DEDD2: variants seen among roughly 807,000 people sequenced by gnomAD.
The protein encoded by DEDD2 is death effector domain containing 2.
In DEDD2, 18 loss-of-function variants were observed where a neutral mutation model predicts 28.9. That is an observed-to-expected ratio of 0.62 (90% CI 0.43 to 0.92). DEDD2 has a LOEUF of 0.92. DEDD2 is among the 40% of genes least tolerant of loss of function. The pLI, the probability that DEDD2 is intolerant of heterozygous loss-of-function variation, is 0.00. For missense variants in DEDD2, 411 were observed against 463.3 expected (o/e 0.89, Z 1.04); for synonymous variants, 211 against 206.1 (o/e 1.02, Z -0.20).
intron 4 of DEDD2, among the ~76,000 whole-genome samples, chr19:42,201,040 C>T (rs901194333): frequency 3.3e-5 from 5 of 152,168 alleles, no homozygotes; most frequent in African/African-American, 9.7e-5. Context: ...TACAGAGTGC[C>T]GACTATCTGC....
rs1165709879 is a variant in DEDD2 at position 42,217,674 on chromosome 19, A to C, written c.-81T>G. The stretch of plus-strand genomic sequence containing the variant: ...TGACTCCTGGGCGACGGCCGCAGCC[A>C]CTTGTTTTGGATCTTTCTGGCACCT... On this transcript the variant is annotated 5_prime_UTR_variant, in exon 1 of 5. Transcript: ENST00000596251. 7 of 152,556 alleles carry C rather than the reference A, an allele frequency of 4.6e-5. No homozygotes were observed. The highest frequency in any genetic ancestry group is 1.0e-4 in the Non-Finnish European group (7 of 68,152). 9.5% of individuals were successfully genotyped at this position (152,556 alleles called of 1,614,324 possible). A position where few individuals can be genotyped will look rare whatever the true frequency, so the allele number is the denominator to read the frequency against.
chr19:42,208,768 G>A (rs768856065), intron 4 of DEDD2, among the ~76,000 whole-genome samples: 1 of 152,204 alleles, frequency 6.6e-6, no homozygotes, highest in African/African-American at 2.4e-5. Flanking sequence ...CACAAGAGCC[G>A]GGAACCTTGC....
chr19:42,199,212 G>A lies in DEDD2; in HGVS notation c.*226C>T, dbSNP rs2035223289. On this transcript the variant is annotated 3_prime_UTR_variant, in exon 5 of 5. Coordinates refer to ENST00000596251, the MANE Select transcript of DEDD2 (RefSeq NM_133328.4). The surrounding 1 kb of genome is among the most constrained non-coding windows in gnomAD (Gnocchi z 7.4). ...GCCCCCGCCTCCGGAGGCTAAGGGG[G>A]CACACCTGGGGGTAGGAGGAGTCTG... 1.5e-6 allele frequency: 1 copy of A among 660,270 alleles called. No homozygotes were observed. The highest frequency in any genetic ancestry group is 2.9e-5 in the East Asian group (1 of 34,536). 40.9% of individuals were successfully genotyped at this position (660,270 alleles called of 1,614,324 possible).
intron 4 of DEDD2, among the ~76,000 whole-genome samples, chr19:42,208,927 A>AT (rs2035638338): frequency 6.6e-6 from 1 of 152,196 alleles, no homozygotes; most frequent in South Asian, 2.1e-4. Flanking sequence ...TATCAGCCTC[A>AT]CTTTACAGAT....
At position 42,199,979 on chromosome 19, in the gene DEDD2, T is replaced by C; in HGVS notation, c.590-150A>G. On this transcript the variant is annotated intron_variant, in intron 4 of 4. Coordinates refer to ENST00000596251, the MANE Select transcript of DEDD2 (RefSeq NM_133328.4). The surrounding 1 kb of genome is among the most constrained non-coding windows in gnomAD (Gnocchi z 7.4). Reference sequence around the variant, plus strand: ...ACACAGCCTCCCCGGCTCTGTGGGGTTCCCTGACCAAGTACGTCCTCCTCT... The same window carrying C: ...ACACAGCCTCCCCGGCTCTGTGGGGCTCCCTGACCAAGTACGTCCTCCTCT... The C allele has an allele frequency of 2.4e-6, 3 of 1,241,442 alleles. No homozygotes were observed. The highest frequency in any genetic ancestry group is 2.9e-5 in the Admixed American group (1 of 34,708). The allele number at this position is 1,241,442 out of a possible 1,614,324, so 76.9% of individuals were successfully genotyped here.
upstream of DEDD2, among the ~76,000 whole-genome samples, chr19:42,217,959 G>A (rs1185735064): frequency 1.3e-5 from 2 of 152,150 alleles, no homozygotes; most frequent in African/African-American, 4.8e-5. Context: ...AAGCCACCGG[G>A]GCCATGTAGC....
At chr19:42,207,841 C>A (rs190829096) in intron 4 of DEDD2, among the ~76,000 whole-genome samples, 1 of 152,090 alleles carries the variant, frequency 6.6e-6, no homozygotes, top group African/African-American at 2.4e-5. Flanking sequence ...CTGCTCCCAC[C>A]CACAAAGCCT....
upstream of DEDD2, among the ~76,000 whole-genome samples, chr19:42,219,234 G>T (rs1411886925): frequency 1.3e-5 from 2 of 151,930 alleles, no homozygotes; most frequent in Non-Finnish European, 2.9e-5. Flanking sequence ...AACCCTGGAG[G>T]CGGAGGTTGC....
intron 4 of DEDD2, among the ~76,000 whole-genome samples, chr19:42,200,753 T>C (rs1470978981): frequency 2.0e-5 from 3 of 152,254 alleles, no homozygotes; most frequent in Non-Finnish European, 4.4e-5. Context: ...GATTTTCAGC[T>C]ACACTCAACT....
upstream of DEDD2, among the ~76,000 whole-genome samples, chr19:42,217,996 T>G (rs1334636031): frequency 6.6e-6 from 1 of 152,106 alleles, no homozygotes; most frequent in African/African-American, 2.4e-5. Context: ...TTGTAACTAC[T>G]CATCTCATAA....
chr19:42,211,172 A>G (rs1296099931), intron 3 of DEDD2, among the ~76,000 whole-genome samples: 1 of 152,112 alleles, frequency 6.6e-6, no homozygotes, highest in Non-Finnish European at 1.5e-5. Context: ...TAGGAGTTCA[A>G]GACCAACCTG....
At chr19:42,207,297 T>C (rs1323058671) in intron 4 of DEDD2, among the ~76,000 whole-genome samples, 1 of 152,186 alleles carries the variant, frequency 6.6e-6, no homozygotes, top group Non-Finnish European at 1.5e-5. Flanking sequence ...AGGGCCATTA[T>C]GGGCACTAGG....
At chr19:42,216,532 T>TG in intron 2 of DEDD2, 148 bp downstream of exon 2, 1 of 855,354 alleles carries the variant, frequency 1.2e-6, no homozygotes, top group South Asian at 1.9e-5. Context: ...CCTCTTATGT[T>TG]GCTCATTGAT....
At chr19:42,216,091 A>G (rs1300094659) in intron 2 of DEDD2, among the ~76,000 whole-genome samples, 1 of 152,160 alleles carries the variant, frequency 6.6e-6, no homozygotes, top group African/African-American at 2.4e-5. Context: ...GGGTCTATGC[A>G]TGGCTGGCAG....
chr19:42,206,845 C>A (rs1268465553), intron 4 of DEDD2, among the ~76,000 whole-genome samples: 1 of 152,162 alleles, frequency 6.6e-6, no homozygotes, highest in East Asian at 1.9e-4. Flanking sequence ...CTCTGGCATT[C>A]GGCCTCTCTA....
Position 42,199,508 on chromosome 19 carries a change from TAGTC to T in DEDD2, c.907_910del (p.Asp303MetfsTer10). ...CAACAGGCGGCGCCGGCCAGCCTCATAGTCAGCCTCATCCACACTGACCAGCAGG... is the reference window on the plus strand; with the variant it reads ...CAACAGGCGGCGCCGGCCAGCCTCATAGCCTCATCCACACTGACCAGCAGG... On this transcript the variant is annotated frameshift_variant, in exon 5 of 5. Coordinates refer to ENST00000596251, the MANE Select transcript of DEDD2 (RefSeq NM_133328.4). LOFTEE classifies it high-confidence loss of function. The surrounding 1 kb of genome is among the most constrained non-coding windows in gnomAD (Gnocchi z 7.4). 6.2e-7 allele frequency: 1 copy of T among 1,613,822 alleles called. No homozygotes were observed. Among genetic ancestry groups the T allele is most frequent in the Non-Finnish European group, 8.5e-7 (1 of 1,179,916 alleles).
chr19:42,206,040 C>T (rs1036213360), intron 4 of DEDD2, among the ~76,000 whole-genome samples: 6 of 150,632 alleles, frequency 4.0e-5, no homozygotes, highest in African/African-American at 7.4e-5. Context: ...GCTGAGACTG[C>T]GCCACTGTGC....
rs534601512 is a variant in DEDD2, at chr19:42,199,818, G to A, written c.601C>T (p.Arg201Trp). Reference sequence around the variant, plus strand: ...TGCTCGCAGTACTCTGCTCGAACCCGGAGCCGGATGTCTGCAGGGGAAGGA... The same window carrying A: ...TGCTCGCAGTACTCTGCTCGAACCCAGAGCCGGATGTCTGCAGGGGAAGGA... ...EGKVTCDIRL[R>W]VRAEYCEHGP... Residue 201 changes from arginine to tryptophan, a missense_variant, in exon 5 of 5, where the codon CGG becomes TGG. Arg to Trp is a moderately radical substitution (Grantham distance 101, BLOSUM62 -3). Around this residue, in one of 2 missense-constraint regions of DEDD2, gnomAD observed 129 missense variants for 189.9 expected, o/e 0.68. Coordinates refer to ENST00000596251, the MANE Select transcript of DEDD2 (RefSeq NM_133328.4). This position sits in a 1 kb window ranked among gnomAD's most constrained non-coding sequence, Gnocchi z 7.4. 7.5e-6 allele frequency: 12 copies of A among 1,591,944 alleles called. No homozygotes were observed. Among genetic ancestry groups the A allele is most frequent in the East Asian group, 4.6e-5 (2 of 43,564 alleles).
chr19:42,203,776 G>T (rs1338926484), intron 4 of DEDD2, among the ~76,000 whole-genome samples: 2 of 152,222 alleles, frequency 1.3e-5, no homozygotes, highest in African/African-American at 4.8e-5. Flanking sequence ...GCTGTGCTGT[G>T]AAGTGGCAGG....
Sources: gnomAD v4.1 joint callset for allele counts (sites outside exome capture counted in the v4.1 genomes callset) on GRCh38, gnomAD v4.1.1 for gene constraint, gnomAD v4.1.1 regional missense constraint, Gnocchi (gnomAD v3.1) non-coding constraint, MANE v1.5 for transcripts, NCBI Gene and HGNC (gene_info 2026-07-23, HGNC 2026-07-21) for gene names.